The following GLI2 variants were observed in gnomAD, a reference collection of about 807,000 sequenced individuals.
GLI2 encodes transcription activator GLI2.
A neutral mutation model predicts 78.9 loss-of-function variants in GLI2; 22 were observed. That is an observed-to-expected ratio of 0.28 (90% CI 0.20 to 0.40). The LOEUF (loss-of-function observed/expected upper bound fraction) is 0.40. Ranked by LOEUF, GLI2 falls within the 10% of genes least tolerant of loss-of-function variation. The probability of loss-of-function intolerance (pLI) is 1.00; values close to 1 mark genes in which losing one functional copy is unlikely to be tolerated. For missense variants in GLI2, 2,097 were observed against 2,213.2 expected (o/e 0.95, Z 1.05); for synonymous variants, 974 against 963.7 (o/e 1.01, Z -0.20).
intron 2 of GLI2, among the ~76,000 whole-genome samples, chr2:120,894,617 G>C (rs548430782): frequency 1.6e-3 from 236 of 151,892 alleles, no homozygotes; most frequent in African/African-American, 5.4e-3. Context: ...CTTGGGGGGG[G>C]GTACCAGTGA....
At chr2:120,801,793 C>T (rs1419745142) in intron 2 of GLI2, among the ~76,000 whole-genome samples, 3 of 152,156 alleles carry the variant, frequency 2.0e-5, no homozygotes, top group South Asian at 2.1e-4. Context: ...CAGTACCTCC[C>T]GTATTGTAGA....
chr2:120,760,868 C>G (rs1049398603), intron 1 of GLI2, among the ~76,000 whole-genome samples: 1 of 152,190 alleles, frequency 6.6e-6, no homozygotes, highest in Non-Finnish European at 1.5e-5. Context: ...TTTTCTCCTC[C>G]AAGCCTGTCC....
chr2:120,789,033 CTTTT>C (rs35017068), intron 1 of GLI2, among the ~76,000 whole-genome samples: 4 of 126,630 alleles, frequency 3.2e-5, no homozygotes, highest in Non-Finnish European at 6.4e-5. Context: ...TTCTTTCTTT[CTTTT>C]TTTTTTTTTT....
intron 1 of GLI2, among the ~76,000 whole-genome samples, chr2:120,750,903 C>A (rs1682850245): frequency 6.6e-6 from 1 of 152,246 alleles, no homozygotes; most frequent in Admixed American, 6.5e-5. Context: ...CTGGAGGCTG[C>A]ACTGGGCCCC....
chr2:120,748,857 A>T (rs1213554821), intron 1 of GLI2, among the ~76,000 whole-genome samples: 2 of 59,498 alleles, frequency 3.4e-5, no homozygotes, highest in Non-Finnish European at 6.1e-5. Context: ...TGCATTCTCC[A>T]TCCATCCATC....
intron 2 of GLI2, among the ~76,000 whole-genome samples, chr2:120,915,610 A>G (rs1679059905): frequency 6.6e-6 from 1 of 152,066 alleles, no homozygotes; most frequent in African/African-American, 2.4e-5. Context: ...CCTACCTCTG[A>G]TGCTTAGGCC....
Position 120,951,265 on chromosome 2 carries a change from C to G in GLI2, c.277C>G (p.Pro93Ala), listed in dbSNP as rs1222100502. ...CAGGCCCCCTGCCCTCAGCGGCAGC[C>G]CTGTCATCTCTGACATCTCCTTGAT... ...VHGPPALSGSPVISDISLIRL... is the reference protein window; with the variant it reads ...VHGPPALSGSAVISDISLIRL... The change falls in exon 4 of 14, where the codon CCT becomes GCT. Residue 93 changes from proline (P) to alanine (A), a missense_variant. Pro to Ala is a conservative substitution (Grantham distance 27). This residue lies in a region of GLI2 where 578 missense variants were observed against 612.0 expected (regional missense o/e 0.94). Coordinates refer to ENST00000361492, the MANE Select transcript of GLI2 (RefSeq NM_001374353.1). 6.2e-7 allele frequency: 1 copy of G among 1,611,374 alleles called. No homozygotes were observed. Among genetic ancestry groups the G allele is most frequent in the Non-Finnish European group, 8.5e-7 (1 of 1,177,706 alleles).
At chr2:120,969,322 A>G (rs1172692848) in intron 6 of GLI2, among the ~76,000 whole-genome samples, 2 of 152,166 alleles carry the variant, frequency 1.3e-5, no homozygotes, top group East Asian at 1.9e-4. Context: ...CTGTAGCCGC[A>G]TGGTGGCACA....
At chr2:120,924,304 A>C (rs1015252888) in intron 2 of GLI2, among the ~76,000 whole-genome samples, 5 of 152,108 alleles carry the variant, frequency 3.3e-5, no homozygotes, top group African/African-American at 9.7e-5. Flanking sequence ...TGGTGGGTCG[A>C]TGGGGGTCTG....
At chr2:120,838,743 C>G (rs141692233) in intron 2 of GLI2, among the ~76,000 whole-genome samples, 70 of 152,270 alleles carry the variant, frequency 4.6e-4, no homozygotes, top group African/African-American at 1.3e-3. Context: ...TTTTACTGTA[C>G]CTTTTCTAGG....
At chr2:120,912,109 C>G (rs891399389) in intron 2 of GLI2, among the ~76,000 whole-genome samples, 7 of 152,160 alleles carry the variant, frequency 4.6e-5, no homozygotes, top group African/African-American at 1.7e-4. Context: ...ACAGGCCAGG[C>G]TGCTCTTGGG....
intron 2 of GLI2, among the ~76,000 whole-genome samples, chr2:120,829,472 G>A (rs1458978042): frequency 6.6e-6 from 1 of 152,198 alleles, no homozygotes; most frequent in Non-Finnish European, 1.5e-5. Flanking sequence ...ACAGCTGTGT[G>A]ACATTCGTCA....
intron 2 of GLI2, among the ~76,000 whole-genome samples, chr2:120,812,004 T>C (rs1376500510): frequency 6.6e-6 from 1 of 152,168 alleles, no homozygotes; most frequent in African/African-American, 2.4e-5. Flanking sequence ...CACAGGCAAG[T>C]ACCCAAATCA....
intron 3 of GLI2, among the ~76,000 whole-genome samples, chr2:120,935,522 G>A (rs1222593899): frequency 1.3e-5 from 2 of 152,182 alleles, no homozygotes; most frequent in South Asian, 4.1e-4. Flanking sequence ...ACCAGCAGAG[G>A]AGCAGTAGCA....
At chr2:120,961,631 C>T (rs1232309481) in intron 5 of GLI2, among the ~76,000 whole-genome samples, 4 of 152,182 alleles carry the variant, frequency 2.6e-5, no homozygotes, top group Admixed American at 1.3e-4. Context: ...TTGCTACTCC[C>T]CCATCAGAGG....
At chr2:120,835,901 CT>C (rs200524962) in intron 2 of GLI2, among the ~76,000 whole-genome samples, 11 of 152,044 alleles carry the variant, frequency 7.2e-5, no homozygotes, top group East Asian at 5.8e-4. Context: ...TGCAGCTTAA[CT>C]TTTTTTTGCC....
chr2:120,833,490 C>T (rs1192980680), intron 2 of GLI2, among the ~76,000 whole-genome samples: 1 of 152,192 alleles, frequency 6.6e-6, no homozygotes, highest in African/African-American at 2.4e-5. Context: ...CACTGCACCT[C>T]TCTGAGACCT....
intron 2 of GLI2, among the ~76,000 whole-genome samples, chr2:120,874,787 A>G (rs1019738412): frequency 1.1e-4 from 17 of 152,140 alleles, no homozygotes; most frequent in Non-Finnish European, 2.4e-4. Flanking sequence ...CCCAGCCAAG[A>G]AGAAAAGAGT....
At chr2:120,981,361 T>C (rs997402798) in intron 10 of GLI2, among the ~76,000 whole-genome samples, 4 of 152,246 alleles carry the variant, frequency 2.6e-5, no homozygotes, top group Non-Finnish European at 5.9e-5. Context: ...CTGCCAGTTA[T>C]ATTGCCTGGA....
Sources: gnomAD v4.1 joint callset for allele counts (sites outside exome capture counted in the v4.1 genomes callset) on GRCh38, gnomAD v4.1.1 for gene constraint, gnomAD v4.1.1 regional missense constraint, MANE v1.5 for transcripts, NCBI Gene and HGNC (gene_info 2026-07-23, HGNC 2026-07-21) for gene names.